DNAJA3: variants seen among roughly 807,000 people sequenced by gnomAD.
The protein encoded by DNAJA3 is DnaJ heat shock protein family (Hsp40) member A3.
Under a neutral mutation model 54.9 loss-of-function variants are expected in DNAJA3, and 29 were observed. The observed-to-expected ratio is 0.53, with a 90% confidence interval of 0.39 to 0.72. The LOEUF is 0.72. DNAJA3 is among the 30% of genes least tolerant of loss of function. The pLI is 0.00. For missense variants in DNAJA3, 708 were observed against 639.4 expected (o/e 1.11, Z -1.16); for synonymous variants, 302 against 251.4 (o/e 1.20, Z -1.90).
intron 2 of DNAJA3, among the ~76,000 whole-genome samples, chr16:4,435,898 G>C (rs940145743): frequency 6.6e-6 from 1 of 152,196 alleles, no homozygotes; most frequent in Non-Finnish European, 1.5e-5. Flanking sequence ...GAAGCTGCCA[G>C]CCTTTTTCAA....
intron 10 of DNAJA3, among the ~76,000 whole-genome samples, chr16:4,451,745 ACT>A (rs1471540979): frequency 1.9e-5 from 2 of 105,466 alleles, no homozygotes; most frequent in South Asian, 6.4e-4. Flanking sequence ...TGACAGTGAG[ACT>A]CTCTGAAAAA....
At chr16:4,428,018 C>G (rs567432106) in intron 1 of DNAJA3, among the ~76,000 whole-genome samples, 9 of 151,606 alleles carry the variant, frequency 5.9e-5, no homozygotes, top group African/African-American at 1.2e-4. Context: ...GTGGCGCTAT[C>G]TCAGCTCACT....
chr16:4,454,683 T>C (rs1351829617), intron 10 of DNAJA3, 128 bp from the exon 11 acceptor site: 1 of 648,480 alleles, frequency 1.5e-6, no homozygotes, highest in South Asian at 1.9e-5. Flanking sequence ...CCCACTCTTC[T>C]TGAGGTGGCA....
chr16:4,434,513 A>G lies in DNAJA3; in HGVS notation c.341A>G (p.Tyr114Cys). 6.2e-7 allele frequency: 1 copy of G among 1,611,292 alleles called. No homozygotes were observed. Among genetic ancestry groups the G allele is most frequent in the South Asian group, 1.1e-5 (1 of 90,348 alleles). Residue 114 changes from tyrosine to cysteine, a missense_variant, in exon 2 of 12, where the codon TAT (tyrosine) becomes TGT (cysteine). Transcript: ENST00000262375. ...CAGAAAGAGATCAAGAAAGCCTATTATCAGGTCTGTATGGAAGTCAGGTTT... is the reference window on the plus strand; with the variant it reads ...CAGAAAGAGATCAAGAAAGCCTATTGTCAGGTCTGTATGGAAGTCAGGTTT... ...ASQKEIKKAY[Y>C]QLAKKYHPDT...
intron 1 of DNAJA3, 186 bp from the exon 2 acceptor site, chr16:4,434,198 A>G: frequency 1.7e-6 from 1 of 604,186 alleles, no homozygotes; most frequent in Non-Finnish European, 2.8e-6. Context: ...ACCTCCCATC[A>G]GGTCCCTCCC....
At chr16:4,432,213 C>T (rs1393640008) in intron 1 of DNAJA3, among the ~76,000 whole-genome samples, 4 of 150,612 alleles carry the variant, frequency 2.7e-5, no homozygotes, top group Non-Finnish European at 1.5e-5. Flanking sequence ...TTAATAGAGA[C>T]AGGGTCTCTG....
chr16:4,435,551 T>G (rs2056763569), intron 2 of DNAJA3, among the ~76,000 whole-genome samples: 1 of 152,186 alleles, frequency 6.6e-6, no homozygotes, highest in Non-Finnish European at 1.5e-5. Context: ...ATTTGCCTAT[T>G]CTCAATATTC....
At chr16:4,442,580 GCTC>G in intron 5 of DNAJA3, 160 bp downstream of exon 5, 2 of 854,496 alleles carry the variant, frequency 2.3e-6, no homozygotes, top group Non-Finnish European at 1.7e-6. Context: ...ACGAGCCTGT[GCTC>G]CTCTTTCCCT....
intron 10 of DNAJA3, among the ~76,000 whole-genome samples, chr16:4,451,980 T>G (rs1200626188): frequency 1.4e-5 from 2 of 144,676 alleles, no homozygotes; most frequent in East Asian, 2.1e-4. Context: ...TGAGGCAGGA[T>G]AATTGCTTGA....
chr16:4,447,956 C>G (rs2056923100), intron 8 of DNAJA3: 1 of 151,916 alleles, frequency 6.6e-6, no homozygotes, highest in Admixed American at 6.6e-5. Context: ...GGCAGTTCAC[C>G]CGCCTCGGCC....
chr16:4,455,644 C>A lies in DNAJA3; in HGVS notation c.*112C>A. On this transcript the variant is annotated 3_prime_UTR_variant, in exon 12 of 12. Coordinates refer to ENST00000262375, the MANE Select transcript of DNAJA3 (RefSeq NM_005147.6). ...GATTCCAGAACAGCAGCACTGAGCT[C>A]CCACCCGCAGAGCCTCTGGACGGCC... The A allele has an allele frequency of 6.6e-7, 1 of 1,514,590 alleles. No homozygotes were observed. 93.8% of individuals were successfully genotyped at this position (1,514,590 alleles called of 1,614,324 possible). A position where few individuals can be genotyped will look rare whatever the true frequency, so the allele number is the denominator to read the frequency against.
At chr16:4,429,872 C>G (rs763659441) in intron 1 of DNAJA3, among the ~76,000 whole-genome samples, 4 of 152,000 alleles carry the variant, frequency 2.6e-5, no homozygotes, top group African/African-American at 9.7e-5. Context: ...TGGCAACTGC[C>G]TGTACTCCCA....
intron 8 of DNAJA3, 112 bp from the exon 9 acceptor site, chr16:4,448,621 C>A: frequency 1.3e-6 from 1 of 751,494 alleles, no homozygotes. Flanking sequence ...GGAGCGTGAG[C>A]CAGTGGTAGT....
intron 5 of DNAJA3, 179 bp from the exon 6 acceptor site, chr16:4,442,838 T>C (rs2056853361): frequency 1.5e-6 from 1 of 654,832 alleles, no homozygotes; most frequent in Non-Finnish European, 2.6e-6. Flanking sequence ...TTGTGTGTTC[T>C]AGAAAATCAG....
chr16:4,449,020 G>A (rs537940599), intron 9 of DNAJA3, among the ~76,000 whole-genome samples, 172 bp downstream of exon 9: 131 of 151,956 alleles, frequency 8.6e-4, no homozygotes, highest in African/African-American at 3.0e-3. Context: ...TTTTTGAGAT[G>A]GAGTCTCGCT....
intron 9 of DNAJA3, 29 bp downstream of exon 9, chr16:4,448,877 C>T (rs1241212347): frequency 1.3e-6 from 2 of 1,562,940 alleles, no homozygotes; most frequent in Admixed American, 1.7e-5. Flanking sequence ...GTGGCCAAGC[C>T]CGCCTGGTCC....
rs753585797 is a variant in DNAJA3, at chr16:4,449,243, A to G, written c.1241+395A>G. Among the ~76,000 whole-genome samples the G allele has an allele frequency of 1.3e-3, 197 of 151,840 alleles. 1 individual carries two copies. The highest frequency in any genetic ancestry group is 1.0e-3 in the Non-Finnish European group (68 of 67,920). On this transcript the variant is annotated intron_variant, in intron 9 of 11. Coordinates refer to ENST00000262375, the MANE Select transcript of DNAJA3 (RefSeq NM_005147.6). ...AATCTCCTGACCTAGTGATCCACCC[A>G]CCTTGGCCTCCCAAAGTGTTGGGAT... is the stretch of plus-strand genomic sequence containing the variant.
At chr16:4,427,761 C>T (rs1227914735) in intron 1 of DNAJA3, among the ~76,000 whole-genome samples, 1 of 152,212 alleles carries the variant, frequency 6.6e-6, no homozygotes, top group Non-Finnish European at 1.5e-5. Flanking sequence ...CTTGACCTCC[C>T]AGGTTCAATC....
At chr16:4,447,227 G>A (rs578076401) in intron 8 of DNAJA3, 4 of 579,408 alleles carry the variant, frequency 6.9e-6, no homozygotes, top group South Asian at 6.5e-5. Flanking sequence ...GCAGTTCCTG[G>A]CTGGCATCAC....
Sources: allele counts gnomAD v4.1 joint callset (sites outside exome capture counted in the v4.1 genomes callset), GRCh38; gene constraint gnomAD v4.1.1; transcripts MANE v1.5; gene names NCBI Gene and HGNC (gene_info 2026-07-23, HGNC 2026-07-21).